Variants in COL5A2 observed in about 807,000 individuals in gnomAD.
COL5A2 encodes the protein collagen type V alpha 2 chain, also known as collagen alpha-2(V) chain.
Under a neutral mutation model 208.2 loss-of-function variants are expected in COL5A2, and 23 were observed. The ratio of observed to expected loss-of-function variants is 0.11; its 90% CI spans 0.08 to 0.16. The LOEUF (loss-of-function observed/expected upper bound fraction) is 0.16, where lower values mean the gene tolerates loss of function less well. COL5A2 is among the 10% of genes least tolerant of loss of function. The probability of loss-of-function intolerance (pLI) is 1.00; values close to 1 mark genes in which losing one functional copy is unlikely to be tolerated. For missense variants in COL5A2, 1,590 were observed against 1,956.4 expected (o/e 0.81, Z 3.53); for synonymous variants, 625 against 628.5 (o/e 0.99, Z 0.08).
At chr2:189,040,663 T>A (rs1319316010) in intron 50 of COL5A2, among the ~76,000 whole-genome samples, 1 of 152,202 alleles carries the variant, frequency 6.6e-6, no homozygotes, top group Non-Finnish European at 1.5e-5. Context: ...ACATAATTTT[T>A]TTTTCTTCCT....
the COL5A2 span, among the ~76,000 whole-genome samples, chr2:189,342,693 GT>G: frequency 6.8e-6 from 1 of 147,518 alleles, no homozygotes; most frequent in Non-Finnish European, 1.5e-5. Flanking sequence ...TAAATATGTT[GT>G]TTTTGATACA....
the COL5A2 span, among the ~76,000 whole-genome samples, chr2:189,393,187 C>G: frequency 5.4e-4 from 82 of 151,976 alleles, no homozygotes; most frequent in Non-Finnish European, 1.0e-3. Flanking sequence ...ATCCTTTTTA[C>G]AGAAAAACAC....
chr2:189,223,716 T>C (rs578066628), intron 1 of COL5A2, among the ~76,000 whole-genome samples: 49 of 152,318 alleles, frequency 3.2e-4, no homozygotes, highest in Non-Finnish European at 6.2e-4. Flanking sequence ...TTCCATCCTG[T>C]ATATTTCTAT....
chr2:189,065,856 C>T (rs927547762), intron 23 of COL5A2, among the ~76,000 whole-genome samples: 1 of 152,174 alleles, frequency 6.6e-6, no homozygotes, highest in African/African-American at 2.4e-5. Context: ...TAAGAATGTT[C>T]TTCCTTCCAA....
chr2:189,350,675 C>T, the COL5A2 span, among the ~76,000 whole-genome samples: 2 of 152,092 alleles, frequency 1.3e-5, no homozygotes, highest in Admixed American at 6.5e-5. Context: ...TTCAGCCGGG[C>T]CAAGAGAATG....
chr2:189,345,504 A>G, the COL5A2 span, among the ~76,000 whole-genome samples: 1 of 152,180 alleles, frequency 6.6e-6, no homozygotes, highest in African/African-American at 2.4e-5. Context: ...AAGACCACTG[A>G]TATTTAAGAT....
At chr2:189,301,444 C>T in the COL5A2 span, among the ~76,000 whole-genome samples, 1 of 152,102 alleles carries the variant, frequency 6.6e-6, no homozygotes, top group Non-Finnish European at 1.5e-5. Flanking sequence ...TTAGAAGTTA[C>T]CAAATTTGTA....
In COL5A2 at chr2:189,039,257, C is replaced by T; in HGVS notation, c.3925+15G>A. On this transcript the variant is annotated intron_variant, in intron 51 of 53. Coordinates refer to ENST00000374866, the MANE Select transcript of COL5A2 (RefSeq NM_000393.5). ...AAACAACGGGTTTTGCTCAAATGGG[C>T]TGCTGTCTACTCACCACTCTGCTTT... 1 of 1,613,468 alleles carries T rather than the reference C, an allele frequency of 6.2e-7. No individual in the cohort carries two copies. Among genetic ancestry groups the T allele is most frequent in the Non-Finnish European group, 8.5e-7 (1 of 1,179,882 alleles).
the COL5A2 span, among the ~76,000 whole-genome samples, chr2:189,436,232 T>C: frequency 8.8e-3 from 1,344 of 151,972 alleles, 20 homozygotes; most frequent in African/African-American, 0.03. Flanking sequence ...TGGGCAAGGA[T>C]TTCATGATTA....
chr2:189,091,738 A>G (rs1228402740), intron 7 of COL5A2, among the ~76,000 whole-genome samples: 2 of 152,298 alleles, frequency 1.3e-5, no homozygotes, highest in Middle Eastern at 3.4e-3. Context: ...TGAACCCACA[A>G]TATCTCCATG....
At chr2:189,323,630 T>C in the COL5A2 span, among the ~76,000 whole-genome samples, 8 of 152,080 alleles carry the variant, frequency 5.3e-5, no homozygotes, top group Non-Finnish European at 1.2e-4. Context: ...TGAAGGACCT[T>C]TTCAAGGAGA....
At chr2:189,043,103 G>T in intron 48 of COL5A2, 48 bp downstream of exon 48, 1 of 1,320,726 alleles carries the variant, frequency 7.6e-7, no homozygotes, top group Non-Finnish European at 1.1e-6. Context: ...CAAGATACCC[G>T]TGTATTTTCA....
the COL5A2 span, among the ~76,000 whole-genome samples, chr2:189,295,618 A>G: frequency 6.6e-6 from 1 of 152,224 alleles, no homozygotes; most frequent in East Asian, 1.9e-4. Context: ...CAGTCTCAAA[A>G]AAAAGATTCC....
the COL5A2 span, among the ~76,000 whole-genome samples, chr2:189,375,975 T>G: frequency 6.6e-6 from 1 of 152,200 alleles, no homozygotes; most frequent in South Asian, 2.1e-4. Flanking sequence ...TGAGATCTTT[T>G]TGCCCTTTTC....
chr2:189,057,108 C>T lies in COL5A2; in HGVS notation c.2338-82G>A, dbSNP rs1411548253. 3.7e-5 allele frequency: 54 copies of T among 1,447,018 alleles called. No homozygotes were observed. In the East Asian group the frequency reaches 5.9e-4, roughly 16 times the overall value. The allele number at this position is 1,447,018 out of a possible 1,614,324, so 89.6% of individuals were successfully genotyped here. On this transcript the variant is annotated intron_variant, in intron 34 of 53. Transcript: ENST00000374866. ...TGTGTAAGTTTCATGAGAGTGAAGGCTAATTGTCATTTTCCTAGTCGTATC... is the reference window on the plus strand; with the variant it reads ...TGTGTAAGTTTCATGAGAGTGAAGGTTAATTGTCATTTTCCTAGTCGTATC...
chr2:189,378,356 T>A, the COL5A2 span, among the ~76,000 whole-genome samples: 1 of 152,196 alleles, frequency 6.6e-6, no homozygotes, highest in Non-Finnish European at 1.5e-5. Flanking sequence ...TTAGCTTAAA[T>A]TCTGACTTTA....
chr2:189,104,212 T>C, intron 3 of COL5A2, 52 bp downstream of exon 3: 1 of 1,275,510 alleles, frequency 7.8e-7, no homozygotes, highest in Non-Finnish European at 1.1e-6. Context: ...GTGTGGATAG[T>C]ATTGGATATA....
chr2:189,065,839 C>T (rs1686137229), intron 23 of COL5A2, among the ~76,000 whole-genome samples: 1 of 152,158 alleles, frequency 6.6e-6, no homozygotes, highest in Non-Finnish European at 1.5e-5. Context: ...TTTGCTTTTT[C>T]CTCTGCTAAG....
At chr2:189,058,935 A>C in intron 31 of COL5A2, 42 bp from the exon 32 acceptor site, 3 of 1,566,070 alleles carry the variant, frequency 1.9e-6, no homozygotes, top group Non-Finnish European at 2.6e-6. Context: ...AAGAGCTTTG[A>C]GTTTAGGCAT....
Sources: gnomAD v4.1 joint callset for allele counts (sites outside exome capture counted in the v4.1 genomes callset) on GRCh38, gnomAD v4.1.1 for gene constraint, MANE v1.5 for transcripts, NCBI Gene and HGNC (gene_info 2026-07-23, HGNC 2026-07-21) for gene names.